Variants in SNX7 observed in about 807,000 individuals in gnomAD.
SNX7 encodes sorting nexin-7.
SNX7 carries 35 observed loss-of-function variants against 48.4 expected under a neutral mutation model. The ratio of observed to expected loss-of-function variants is 0.72; its 90% confidence interval spans 0.55 to 0.96. The LOEUF is 0.96. SNX7 is among the 40% of genes least tolerant of loss of function. The pLI is 0.00. For synonymous variants in SNX7, 190 were observed against 190.2 expected, an observed-to-expected ratio of 1.00 and a Z score of 0.01; for missense variants, 553 against 548.9, an observed-to-expected ratio of 1.01 and a Z score of -0.07.
At chr1:98,694,943 G>A (rs749992994) in intron 4 of SNX7, among the ~76,000 whole-genome samples, 3 of 151,936 alleles carry the variant, frequency 2.0e-5, no homozygotes, top group African/African-American at 4.8e-5. Flanking sequence ...TAACTTTCCT[G>A]TGCCTCTATT....
At chr1:98,691,348 T>A (rs183435886) in intron 3 of SNX7, among the ~76,000 whole-genome samples, 163 bp downstream of exon 3, 13,100 of 147,888 alleles carry the variant, frequency 0.089, 698 homozygotes, top group South Asian at 0.16. Context: ...ATTTTTTTTT[T>A]AAAAAAAACT....
At chr1:98,673,699 G>C (rs2100917311) in intron 1 of SNX7, among the ~76,000 whole-genome samples, 1 of 152,254 alleles carries the variant, frequency 6.6e-6, no homozygotes, top group East Asian at 1.9e-4. Flanking sequence ...TGGTGAGGGT[G>C]GTTGAGTCTT....
intron 8 of SNX7, among the ~76,000 whole-genome samples, chr1:98,747,705 T>C (rs1654373051): frequency 6.6e-6 from 1 of 152,180 alleles, no homozygotes; most frequent in South Asian, 2.1e-4. Flanking sequence ...TGAAGCATCA[T>C]ATAAAGCATG....
rs530781102 is a variant in SNX7, at chr1:98,676,750, A to T, written c.181-8135A>T. On this transcript the variant is annotated intron_variant, in intron 1 of 8. Coordinates refer to ENST00000306121, the MANE Select transcript of SNX7 (RefSeq NM_015976.5). ...ACAAAAAAGTATCTCTTCCTAAAAC[A>T]TCAGAATTTATTACATTGTACTATA... Among the ~76,000 whole-genome samples the T allele has an allele frequency of 4.6e-5, 7 of 152,324 alleles. No homozygotes were observed. In the East Asian group the frequency reaches 1.3e-3, roughly 29 times the overall value.
At chr1:98,683,039 T>G (rs1476709264) in intron 1 of SNX7, among the ~76,000 whole-genome samples, 1 of 152,192 alleles carries the variant, frequency 6.6e-6, no homozygotes, top group Non-Finnish European at 1.5e-5. Flanking sequence ...GTTGGTGGTG[T>G]TGCTGTTCTC....
chr1:98,674,023 G>C (rs1223952852), intron 1 of SNX7, among the ~76,000 whole-genome samples: 1 of 152,136 alleles, frequency 6.6e-6, no homozygotes, highest in Non-Finnish European at 1.5e-5. Flanking sequence ...GAAGCTATGT[G>C]TTTTATTTAT....
At chr1:98,662,528 T>G in intron 1 of SNX7, 1 of 502,204 alleles carries the variant, frequency 2.0e-6, no homozygotes, top group Non-Finnish European at 3.1e-6. Context: ...AGCCAGTGCT[T>G]TCGTTTTTCC....
chr1:98,703,542 G>C (rs942557899), intron 7 of SNX7, among the ~76,000 whole-genome samples: 1 of 152,074 alleles, frequency 6.6e-6, no homozygotes, highest in Non-Finnish European at 1.5e-5. Context: ...TGTAGAACTA[G>C]ATGAACTAGT....
chr1:98,661,640 G>A, upstream of SNX7: 1 of 1,090,496 alleles, frequency 9.2e-7, no homozygotes, highest in Non-Finnish European at 1.1e-6. Flanking sequence ...GGGCCGGCCG[G>A]GGAGGTGCAG....
chr1:98,717,595 G>T (rs1193765952), intron 7 of SNX7, among the ~76,000 whole-genome samples: 1 of 152,112 alleles, frequency 6.6e-6, no homozygotes, highest in African/African-American at 2.4e-5. Flanking sequence ...GAATTTGCAC[G>T]TGATAAATTC....
intron 7 of SNX7, among the ~76,000 whole-genome samples, chr1:98,714,670 G>A (rs1244225455): frequency 6.6e-6 from 1 of 152,120 alleles, no homozygotes; most frequent in Non-Finnish European, 1.5e-5. Flanking sequence ...ACCAGTGTTG[G>A]AAGAAGGAGG....
At chr1:98,752,407 T>C (rs986926747) in intron 8 of SNX7, among the ~76,000 whole-genome samples, 1 of 152,034 alleles carries the variant, frequency 6.6e-6, no homozygotes, top group Non-Finnish European at 1.5e-5. Context: ...CAATTACATT[T>C]ATTTAATTAA....
chr1:98,754,590 G>A (rs552349392), intron 8 of SNX7, among the ~76,000 whole-genome samples: 1 of 151,978 alleles, frequency 6.6e-6, no homozygotes, highest in African/African-American at 2.4e-5. Flanking sequence ...CATCTACACT[G>A]TCAAATGTAT....
At chr1:98,662,523 G>C in intron 1 of SNX7, 1 of 464,266 alleles carries the variant, frequency 2.2e-6, no homozygotes, top group South Asian at 2.1e-5. Context: ...CCCACAGCCA[G>C]TGCTTTCGTT....
intron 1 of SNX7, among the ~76,000 whole-genome samples, chr1:98,667,279 T>A (rs1649585422): frequency 6.6e-6 from 1 of 152,230 alleles, no homozygotes; most frequent in Non-Finnish European, 1.5e-5. Flanking sequence ...ACTATGGAAT[T>A]TAATTGGGAT....
At chr1:98,698,634 A>G in intron 5 of SNX7, 72 bp from the exon 6 acceptor site, 1 of 1,337,116 alleles carries the variant, frequency 7.5e-7, no homozygotes, top group Non-Finnish European at 1.0e-6. Context: ...GCCCTTTCTT[A>G]CTCTCTAGGA....
At chr1:98,722,364 C>T (rs1288608051) in intron 7 of SNX7, among the ~76,000 whole-genome samples, 1 of 152,138 alleles carries the variant, frequency 6.6e-6, no homozygotes, top group East Asian at 1.9e-4. Flanking sequence ...TCTTTAGACA[C>T]ATCTCACCTC....
chr1:98,698,415 G>A (rs912110526), intron 5 of SNX7, among the ~76,000 whole-genome samples: 1 of 152,108 alleles, frequency 6.6e-6, no homozygotes, highest in African/African-American at 2.4e-5. Flanking sequence ...GTAGGCAGAA[G>A]CCTAAATAGA....
At chr1:98,684,801 T>G in intron 1 of SNX7, 84 bp from the exon 2 acceptor site, 2 of 958,418 alleles carry the variant, frequency 2.1e-6, no homozygotes, top group East Asian at 2.8e-5. Flanking sequence ...GTTCTTGATA[T>G]ATTTCATTAA....
Sources: allele counts gnomAD v4.1 joint callset (sites outside exome capture counted in the v4.1 genomes callset), GRCh38; gene constraint gnomAD v4.1.1; transcripts MANE v1.5; gene names NCBI Gene and HGNC (gene_info 2026-07-23, HGNC 2026-07-21).